Variants in FKBP5 observed in about 807,000 individuals in gnomAD.
FKBP5 encodes the protein peptidyl-prolyl cis-trans isomerase FKBP5.
Under a neutral mutation model 50.5 loss-of-function variants are expected in FKBP5, and 23 were observed. That is an observed-to-expected ratio of 0.46 (90% CI 0.33 to 0.65). The LOEUF (loss-of-function observed/expected upper bound fraction) is 0.65. Among genes scored for constraint, FKBP5 ranks in the 30% least tolerant of loss-of-function variants. FKBP5 has a pLI of 0.02. For missense variants in FKBP5, 411 were observed against 553.1 expected (o/e 0.74, Z 2.58); for synonymous variants, 176 against 190.6 (o/e 0.92, Z 0.63).
chr6:35,630,189 A>AGC (rs1475355028), intron 3 of FKBP5, among the ~76,000 whole-genome samples: 5 of 151,884 alleles, frequency 3.3e-5, no homozygotes, highest in African/African-American at 9.7e-5. Flanking sequence ...AGAGAGAGAG[A>AGC]GAGCGAGCGA....
intron 8 of FKBP5, chr6:35,586,755 G>T (rs1762612578): frequency 7.5e-7 from 1 of 1,336,010 alleles, no homozygotes; most frequent in Non-Finnish European, 9.6e-7. Flanking sequence ...CTTTAGGAGT[G>T]AGTGATACTG....
At chr6:35,717,255 C>T (rs1766527098) in intron 2 of FKBP5, among the ~76,000 whole-genome samples, 1 of 152,222 alleles carries the variant, frequency 6.6e-6, no homozygotes, top group Admixed American at 6.5e-5. Context: ...CTACAGTGTC[C>T]TCAGCTCAAG....
intron 1 of FKBP5, among the ~76,000 whole-genome samples, chr6:35,654,851 A>G (rs1764906837): frequency 6.6e-6 from 1 of 152,292 alleles, no homozygotes; most frequent in South Asian, 2.1e-4. Flanking sequence ...AAGACAAGAG[A>G]CCCCTTAGCT....
intron 6 of FKBP5, among the ~76,000 whole-genome samples, chr6:35,595,006 A>G (rs1762938829): frequency 6.6e-6 from 1 of 152,184 alleles, no homozygotes; most frequent in African/African-American, 2.4e-5. Flanking sequence ...TAGCAACAAA[A>G]GCTCACACAC....
intron 3 of FKBP5, among the ~76,000 whole-genome samples, chr6:35,635,883 G>A (rs1764296850): frequency 6.6e-6 from 1 of 152,194 alleles, no homozygotes; most frequent in Non-Finnish European, 1.5e-5. Flanking sequence ...GTTGAAAAGG[G>A]TAGGAGCCCT....
At chr6:35,716,309 G>A (rs575118553) in intron 2 of FKBP5, among the ~76,000 whole-genome samples, 1 of 152,102 alleles carries the variant, frequency 6.6e-6, no homozygotes, top group African/African-American at 2.4e-5. Flanking sequence ...GGAGTCCAAG[G>A]TTGCAGTGAG....
chr6:35,728,449 G>C (rs900892712), intron 1 of FKBP5: 3 of 152,270 alleles, frequency 2.0e-5, no homozygotes, highest in African/African-American at 7.2e-5. Context: ...CACCCCACCC[G>C]ACAGGTGTGG....
At chr6:35,679,356 G>A (rs890906363) in intron 1 of FKBP5, among the ~76,000 whole-genome samples, 2 of 152,068 alleles carry the variant, frequency 1.3e-5, no homozygotes, top group African/African-American at 4.8e-5. Context: ...CTTCATTCTC[G>A]ACTGATCAAT....
intron 1 of FKBP5, among the ~76,000 whole-genome samples, chr6:35,683,115 CGTATATGTGTGTGT>C (rs1227443451): frequency 1.1e-3 from 63 of 56,232 alleles, no homozygotes; most frequent in East Asian, 8.8e-3. Context: ...TATATATATA[CGTATATGTGTGTGT>C]GTGTGTGTGT....
At chr6:35,663,675 T>C (rs1272107405) in intron 1 of FKBP5, among the ~76,000 whole-genome samples, 3 of 152,224 alleles carry the variant, frequency 2.0e-5, no homozygotes, top group Non-Finnish European at 4.4e-5. Flanking sequence ...CCCCACTACC[T>C]GGAACTCTTC....
chr6:35,691,825 G>T (rs889510519), upstream of FKBP5, among the ~76,000 whole-genome samples: 2 of 152,168 alleles, frequency 1.3e-5, no homozygotes, highest in Admixed American at 6.5e-5. Flanking sequence ...GGCACAGTAC[G>T]GTTCTTTGCA....
intron 3 of FKBP5, among the ~76,000 whole-genome samples, chr6:35,636,481 T>A (rs1764312164): frequency 6.6e-6 from 1 of 152,230 alleles, no homozygotes; most frequent in Non-Finnish European, 1.5e-5. Context: ...GCACAAGTAC[T>A]TTTCCTTGAG....
chr6:35,678,242 G>A (rs1484955706), intron 1 of FKBP5, among the ~76,000 whole-genome samples: 1 of 152,068 alleles, frequency 6.6e-6, no homozygotes, highest in Non-Finnish European at 1.5e-5. Context: ...TTGGCTGGAG[G>A]GAGTGGGGAG....
At chr6:35,654,357 T>C (rs1554136031) in intron 1 of FKBP5, among the ~76,000 whole-genome samples, 2 of 152,216 alleles carry the variant, frequency 1.3e-5, no homozygotes. Context: ...TAAATGATAC[T>C]TGACAACCTG....
chr6:35,608,796 AT>A (rs1350488566), intron 5 of FKBP5, among the ~76,000 whole-genome samples: 2 of 152,172 alleles, frequency 1.3e-5, no homozygotes, highest in Admixed American at 6.5e-5. Context: ...GACTGTTATT[AT>A]TGTTTTATTA....
rs1434926379 is a variant in FKBP5, at chr6:35,658,697, TACC to T, written c.-19-15857_-19-15855del. Among the ~76,000 whole-genome samples, 8 of 20,746 alleles carry T rather than the reference TACC, an allele frequency of 3.9e-4. 1 individual carries two copies. The highest frequency in any genetic ancestry group is 3.4e-3 in the South Asian group (2 of 594). 13.6% of individuals were successfully genotyped at this position (20,746 alleles called of 152,430 possible). ...TTTCAAATGTTAAACCAACCTTGGATACCTGGAATAAACCCTATTTGGTCACTG... is the reference window on the plus strand; with the variant it reads ...TTTCAAATGTTAAACCAACCTTGGATTGGAATAAACCCTATTTGGTCACTG... On this transcript the variant is annotated intron_variant, in intron 1 of 10. Coordinates refer to ENST00000357266, the MANE Select transcript of FKBP5 (RefSeq NM_004117.4).
intron 3 of FKBP5, among the ~76,000 whole-genome samples, chr6:35,629,618 G>C (rs1764094169): frequency 6.6e-6 from 1 of 152,160 alleles, no homozygotes; most frequent in Non-Finnish European, 1.5e-5. Flanking sequence ...CATACTTGAA[G>C]GTAGGGGTCA....
At chr6:35,600,150 C>T (rs1300673023) in intron 5 of FKBP5, among the ~76,000 whole-genome samples, 5 of 152,148 alleles carry the variant, frequency 3.3e-5, no homozygotes, top group South Asian at 2.1e-4. Flanking sequence ...TATAATCTCA[C>T]GGGACCACTG....
At chr6:35,694,889 C>A (rs896175218) in intron 2 of FKBP5, among the ~76,000 whole-genome samples, 2 of 152,126 alleles carry the variant, frequency 1.3e-5, no homozygotes, top group East Asian at 1.9e-4. Flanking sequence ...TTTAGACTTG[C>A]AAGCAATATA....
Sources: gnomAD v4.1 joint callset for allele counts (sites outside exome capture counted in the v4.1 genomes callset) on GRCh38, gnomAD v4.1.1 for gene constraint, MANE v1.5 for transcripts, NCBI Gene and HGNC (gene_info 2026-07-23, HGNC 2026-07-21) for gene names.